The following CSF2RB variants were observed in gnomAD, a reference collection of about 807,000 sequenced individuals.
CSF2RB encodes the protein cytokine receptor common subunit beta.
A neutral mutation model predicts 67.2 loss-of-function variants in CSF2RB; 22 were observed. The observed-to-expected ratio is 0.33, with a 90% CI of 0.23 to 0.47. CSF2RB has a LOEUF of 0.47. CSF2RB is among the 20% of genes least tolerant of loss of function. The probability of loss-of-function intolerance (pLI) is 1.00; values close to 1 mark genes in which losing one functional copy is unlikely to be tolerated. For synonymous variants in CSF2RB, 507 were observed against 482.9 expected, an observed-to-expected ratio of 1.05 and a Z score of -0.65; for missense variants, 1,113 against 1,174.5, an observed-to-expected ratio of 0.95 and a Z score of 0.76.
chr22:36,928,048 G>C (rs16997507), intron 4 of CSF2RB, among the ~76,000 whole-genome samples: 1 of 152,178 alleles, frequency 6.6e-6, no homozygotes, highest in Non-Finnish European at 1.5e-5. Context: ...TATAGGGAGA[G>C]AAGTGTGGCC....
At position 36,939,130 on chromosome 22, in the gene CSF2RB, G is replaced by A. The variant is rs747110258; in HGVS notation, c.*628G>A. ...CCGAGAAATGGGCATGGTATTGGGG[G>A]TCGGGGGGGCGGTGCAAGGGACGCA... On this transcript the variant is annotated 3_prime_UTR_variant, in exon 14 of 14. Transcript: ENST00000403662. The A allele has an allele frequency of 1.4e-5, 10 of 702,190 alleles. No homozygotes were observed. The highest frequency in any genetic ancestry group is 5.2e-5 in the African/African-American group (3 of 57,220). 43.5% of individuals were successfully genotyped at this position (702,190 alleles called of 1,614,324 possible).
chr22:36,929,643 C>T lies in CSF2RB; in HGVS notation c.554C>T (p.Ala185Val). Residue 185 changes from alanine (A) to valine (V), a missense_variant, in exon 6 of 14, where the codon GCA becomes GTA. Coordinates refer to ENST00000403662, the MANE Select transcript of CSF2RB (RefSeq NM_000395.3). Reference sequence around the variant, plus strand: ...GCACCCACTGTCTCCTGACAGGACGCAGCCATCCTCCTCTCCAACACCTCC... The same window carrying T: ...GCACCCACTGTCTCCTGACAGGACGTAGCCATCCTCCTCTCCAACACCTCC... ...YKRLQDSWED[A>V]AILLSNTSQA... 6.2e-7 allele frequency: 1 copy of T among 1,614,244 alleles called. No homozygotes were observed. The highest frequency in any genetic ancestry group is 8.5e-7 in the Non-Finnish European group (1 of 1,180,038).
chr22:36,937,646 A>C lies in CSF2RB; in HGVS notation c.1838A>C (p.Gln613Pro). Reference sequence around the variant, plus strand: ...ATCCTGGGCCAGCCGGAGCCCCCACAGGAGGGTGGGAGCCAGAAGTCCCCA... The same window carrying C: ...ATCCTGGGCCAGCCGGAGCCCCCACCGGAGGGTGGGAGCCAGAAGTCCCCA... ...PDILGQPEPP[Q>P]EGGSQKSPPP... Residue 613 changes from glutamine (Q) to proline (P), a missense_variant, in exon 14 of 14, where the codon CAG becomes CCG. Transcript: ENST00000403662. This position sits in a 1 kb window ranked among gnomAD's most constrained non-coding sequence, Gnocchi z 4.6. 6.4e-7 allele frequency: 1 copy of C among 1,557,570 alleles called. No individual in the cohort carries two copies. The highest frequency in any genetic ancestry group is 8.7e-7 in the Non-Finnish European group (1 of 1,150,294).
At chr22:36,930,937 C>T in intron 8 of CSF2RB, 107 bp downstream of exon 8, 2 of 1,386,766 alleles carry the variant, frequency 1.4e-6, no homozygotes, top group Non-Finnish European at 2.0e-6. Context: ...TCATGTTTGT[C>T]ACTTTCAAAG....
At chr22:36,932,512 TA>T (rs1487272636) in intron 8 of CSF2RB, among the ~76,000 whole-genome samples, 1 of 144,658 alleles carries the variant, frequency 6.9e-6, no homozygotes, top group African/African-American at 2.6e-5. Context: ...CTGCAAAAAA[TA>T]AAAATAAAAA....
In CSF2RB at chr22:36,933,816, C is replaced by G; in HGVS notation, c.1153-16C>G. The G allele has an allele frequency of 6.2e-7, 1 of 1,601,984 alleles. No individual in the cohort carries two copies. Among genetic ancestry groups the G allele is most frequent in the Non-Finnish European group, 8.5e-7 (1 of 1,177,552 alleles). Reference sequence around the variant, plus strand: ...CGGGCACCGGGCCAGGCCTCACCCTCAGTGCCAACCCACAGGACAGCAAGA... The same window carrying G: ...CGGGCACCGGGCCAGGCCTCACCCTGAGTGCCAACCCACAGGACAGCAAGA... On this transcript the variant is annotated splice_polypyrimidine_tract_variant and intron_variant, in intron 9 of 13. Transcript: ENST00000403662.
intron 6 of CSF2RB, among the ~76,000 whole-genome samples, 180 bp from the exon 7 acceptor site, chr22:36,930,193 ACT>A (rs140483099): frequency 2.4e-4 from 36 of 149,220 alleles, no homozygotes; most frequent in African/African-American, 5.1e-4. Context: ...GGTGCACAGA[ACT>A]CTCTCTCTCT....
Position 36,935,656 on chromosome 22 carries a change from T to A in CSF2RB, c.1433T>A (p.Ile478Asn). 6.2e-7 allele frequency: 1 copy of A among 1,614,108 alleles called. No individual in the cohort carries two copies. The highest frequency in any genetic ancestry group is 8.5e-7 in the Non-Finnish European group (1 of 1,180,020). ...CTGCGCAGAAAGTGGGAGGAGAAGA[T>A]CCCCAACCCCAGCAAGAGCCACCTG... Reference protein sequence around the residue: ...YRLRRKWEEKIPNPSKSHLFQ... With the variant: ...YRLRRKWEEKNPNPSKSHLFQ... Residue 478 changes from isoleucine to asparagine, a missense_variant, in exon 12 of 14, where the codon ATC becomes AAC. Ile to Asn is a moderately radical substitution (Grantham distance 149, BLOSUM62 -3). Coordinates refer to ENST00000403662, the MANE Select transcript of CSF2RB (RefSeq NM_000395.3).
intron 1 of CSF2RB, among the ~76,000 whole-genome samples, chr22:36,920,410 C>T (rs1022762397): frequency 4.6e-5 from 7 of 152,212 alleles, no homozygotes; most frequent in African/African-American, 1.7e-4. Context: ...CAGCGAGCTC[C>T]CTTGCTTATT....
At chr22:36,923,702 T>C in intron 3 of CSF2RB, 1 of 1,324,514 alleles carries the variant, frequency 7.5e-7, no homozygotes, top group Non-Finnish European at 9.9e-7. Context: ...CACTGTGAGG[T>C]GGGCAGGGCC....
chr22:36,923,098 C>T, intron 2 of CSF2RB, 146 bp from the exon 3 acceptor site: 2 of 1,156,744 alleles, frequency 1.7e-6, no homozygotes, highest in East Asian at 2.4e-5. Flanking sequence ...GACATGAACA[C>T]ATGTACATGT....
At chr22:36,914,782 G>T (rs1263816316) in intron 1 of CSF2RB, among the ~76,000 whole-genome samples, 1 of 151,832 alleles carries the variant, frequency 6.6e-6, no homozygotes, top group Non-Finnish European at 1.5e-5. Context: ...TTAGCTTTTG[G>T]TCACTCTTTT....
At chr22:36,922,007 C>T (rs2145780249) in intron 1 of CSF2RB, 29 bp from the exon 2 acceptor site, 2 of 606,322 alleles carry the variant, frequency 3.3e-6, no homozygotes, top group Non-Finnish European at 5.9e-6. Flanking sequence ...AGGGGAGGGG[C>T]AGCTCACTGC....
chr22:36,916,207 T>C (rs752591848), intron 1 of CSF2RB, among the ~76,000 whole-genome samples: 1 of 152,230 alleles, frequency 6.6e-6, no homozygotes, highest in Non-Finnish European at 1.5e-5. Flanking sequence ...CTTTTTACTT[T>C]ATGGTTTCTG....
chr22:36,927,596 C>T (rs11089810), intron 4 of CSF2RB, among the ~76,000 whole-genome samples: 18,260 of 152,076 alleles, frequency 0.12, 1,270 homozygotes, highest in African/African-American at 0.19. Context: ...GGCTGGACAG[C>T]GGTGGGAAGA....
In CSF2RB at chr22:36,935,610, A is replaced by ACCTCCGTGGTGTCTT. The variant is rs1218290786; in HGVS notation, c.1407-17_1407-3dup. ...GGCCATGAGGTCTCTGATGGCTGTC[A>ACCTCCGTGGTGTCTT]CCTCCGTGGTGTCTTCCAGGCTGCG... On this transcript the variant is annotated intron_variant, in intron 11 of 13. Coordinates refer to ENST00000403662, the MANE Select transcript of CSF2RB (RefSeq NM_000395.3). 21 of 1,614,006 alleles carry ACCTCCGTGGTGTCTT rather than the reference A, an allele frequency of 1.3e-5. No homozygotes were observed. The East Asian group carries it at 4.2e-4, about 33-fold the overall frequency.
At chr22:36,936,357 A>G (rs942253654) in intron 12 of CSF2RB, among the ~76,000 whole-genome samples, 192 bp from the exon 13 acceptor site, 2 of 152,140 alleles carry the variant, frequency 1.3e-5, no homozygotes, top group Non-Finnish European at 2.9e-5. Flanking sequence ...TAGCAGGGAC[A>G]TGGGGGAAGT....
chr22:36,935,571 G>A, intron 11 of CSF2RB, 59 bp from the exon 12 acceptor site: 1 of 1,612,108 alleles, frequency 6.2e-7, no homozygotes, highest in Non-Finnish European at 8.5e-7. Flanking sequence ...CTGGGCATGA[G>A]CATGGGAGCA....
chr22:36,937,208 C>T lies in CSF2RB; in HGVS notation c.1569-169C>T, dbSNP rs1306546459. ...GACTGAATCCATGTCCCATGTCCTT[C>T]TCTGGGGCCCCTGCTCCCTCAACCC... On this transcript the variant is annotated intron_variant, in intron 13 of 13. Coordinates refer to ENST00000403662, the MANE Select transcript of CSF2RB (RefSeq NM_000395.3). The surrounding 1 kb of genome is among the most constrained non-coding windows in gnomAD (Gnocchi z 4.6). Among the ~76,000 whole-genome samples, 2 of 152,110 alleles carry T rather than the reference C, an allele frequency of 1.3e-5. No homozygotes were observed. Among genetic ancestry groups the T allele is most frequent in the Non-Finnish European group, 2.9e-5 (2 of 67,998 alleles).
Sources: allele counts gnomAD v4.1 joint callset (sites outside exome capture counted in the v4.1 genomes callset), GRCh38; gene constraint gnomAD v4.1.1; non-coding constraint Gnocchi (gnomAD v3.1); transcripts MANE v1.5; gene names NCBI Gene and HGNC (gene_info 2026-07-23, HGNC 2026-07-21).